KCNH5: variants seen among roughly 807,000 people sequenced by gnomAD.
The protein encoded by KCNH5 is voltage-gated delayed rectifier potassium channel KCNH5.
In KCNH5, 46 loss-of-function variants were observed where a neutral mutation model predicts 96.1. That is an observed-to-expected ratio of 0.48 (90% CI 0.38 to 0.61). The LOEUF (loss-of-function observed/expected upper bound fraction) is 0.61. Ranked by LOEUF, KCNH5 falls within the 20% of genes least tolerant of loss-of-function variation. KCNH5 has a pLI of 0.00. For missense variants in KCNH5, 907 were observed against 1,225.8 expected, an observed-to-expected ratio of 0.74 and a Z score of 3.88; for synonymous variants, 439 against 449.8, an observed-to-expected ratio of 0.98 and a Z score of 0.30.
chr14:62,946,590 G>A (rs1889892185), intron 7 of KCNH5, among the ~76,000 whole-genome samples: 1 of 151,804 alleles, frequency 6.6e-6, no homozygotes. Flanking sequence ...TGTGTGCCAT[G>A]GTGGTTTGCT....
At chr14:62,750,243 CG>C (rs916580752) in intron 10 of KCNH5, among the ~76,000 whole-genome samples, 2 of 152,080 alleles carry the variant, frequency 1.3e-5, no homozygotes, top group Non-Finnish European at 2.9e-5. Flanking sequence ...TAAGCCTTTA[CG>C]TATAAAAAGC....
chr14:62,751,906 G>A (rs1051863084), intron 10 of KCNH5, among the ~76,000 whole-genome samples: 1 of 152,146 alleles, frequency 6.6e-6, no homozygotes, highest in African/African-American at 2.4e-5. Context: ...CTCCCAAAAG[G>A]GTCTGTCCTT....
At chr14:62,896,560 G>A (rs1016213346) in intron 7 of KCNH5, among the ~76,000 whole-genome samples, 1 of 152,188 alleles carries the variant, frequency 6.6e-6, no homozygotes, top group East Asian at 1.9e-4. Flanking sequence ...TCCTAAGGTA[G>A]ATTCACGGTT....
At chr14:62,803,686 CA>C (rs1886710099) in intron 8 of KCNH5, among the ~76,000 whole-genome samples, 1 of 152,128 alleles carries the variant, frequency 6.6e-6, no homozygotes, top group Non-Finnish European at 1.5e-5. Context: ...AGCTTTCTGA[CA>C]GGGTGATTAA....
At chr14:62,935,464 G>A (rs1260699935) in intron 7 of KCNH5, among the ~76,000 whole-genome samples, 6 of 152,120 alleles carry the variant, frequency 3.9e-5, no homozygotes. Context: ...AAGTAATAGG[G>A]ACACTTCAGA....
At chr14:62,800,954 T>C (rs563054695) in intron 9 of KCNH5, among the ~76,000 whole-genome samples, 26 of 151,838 alleles carry the variant, frequency 1.7e-4, no homozygotes, top group Non-Finnish European at 3.1e-4. Flanking sequence ...AAACAGTTCC[T>C]AGAAGAAATC....
At chr14:62,929,442 C>A (rs1889538804) in intron 7 of KCNH5, among the ~76,000 whole-genome samples, 1 of 152,046 alleles carries the variant, frequency 6.6e-6, no homozygotes, top group African/African-American at 2.4e-5. Flanking sequence ...CATATCATGT[C>A]ATTTTTCTAC....
chr14:62,796,959 G>A (rs1396755508), intron 9 of KCNH5, among the ~76,000 whole-genome samples: 1 of 152,158 alleles, frequency 6.6e-6, no homozygotes, highest in East Asian at 1.9e-4. Context: ...AGGCAAATCA[G>A]ATATGCATCT....
chr14:62,925,676 C>A (rs1224687695), intron 7 of KCNH5, among the ~76,000 whole-genome samples: 1 of 152,074 alleles, frequency 6.6e-6, no homozygotes, highest in Non-Finnish European at 1.5e-5. Context: ...CAATAAGCAG[C>A]CATTGTCCTT....
chr14:63,045,429 G>A lies in KCNH5; in HGVS notation c.-243C>T. 1 of 538,668 alleles carries A rather than the reference G, an allele frequency of 1.9e-6. No homozygotes were observed. Among genetic ancestry groups the A allele is most frequent in the Non-Finnish European group, 3.3e-6 (1 of 298,638 alleles). 33.4% of individuals were successfully genotyped at this position (538,668 alleles called of 1,614,324 possible). A position where few individuals can be genotyped will look rare whatever the true frequency, so the allele number is the denominator to read the frequency against. On this transcript the variant is annotated 5_prime_UTR_variant, in exon 1 of 11. Coordinates refer to ENST00000322893, the MANE Select transcript of KCNH5 (RefSeq NM_139318.5). The stretch of plus-strand genomic sequence containing the variant: ...CCCGGCCGCCGCTGCCCAGACTGTG[G>A]CGGTGCCGCACACGGGGCTCGGGAA...
chr14:62,933,943 T>C (rs1024337349), intron 7 of KCNH5, among the ~76,000 whole-genome samples: 3 of 152,112 alleles, frequency 2.0e-5, no homozygotes, highest in Non-Finnish European at 2.9e-5. Context: ...TCTTCCCTGG[T>C]ATTAGCCATT....
rs553637987 is a variant in KCNH5, at chr14:62,956,272, G to A, written c.943-5713C>T. ...AGATACAAAAGAGTATATACTGTAT[G>A]ATTCCATTTCTGAAGAGTTCAGAAA... On this transcript the variant is annotated intron_variant, in intron 6 of 10. Coordinates refer to ENST00000322893, the MANE Select transcript of KCNH5 (RefSeq NM_139318.5). Among the ~76,000 whole-genome samples, 3 of 152,200 alleles carry A rather than the reference G, an allele frequency of 2.0e-5. No individual in the cohort carries two copies. In the South Asian group the frequency reaches 6.2e-4, roughly 32 times the overall value.
intron 2 of KCNH5, among the ~76,000 whole-genome samples, chr14:63,012,575 C>T (rs1301084250): frequency 5.3e-5 from 8 of 152,180 alleles, no homozygotes; most frequent in Admixed American, 1.3e-4. Context: ...AGACAGAAAA[C>T]GTCTCACACA....
At chr14:62,709,266 TC>T (rs199745506) in intron 10 of KCNH5, among the ~76,000 whole-genome samples, 4,054 of 125,128 alleles carry the variant, frequency 0.032, 102 homozygotes, top group Non-Finnish European at 0.049. Flanking sequence ...AAAATTATCC[TC>T]TGTTTGGGTA....
chr14:62,982,369 G>T (rs562281297), intron 5 of KCNH5, among the ~76,000 whole-genome samples: 1 of 152,104 alleles, frequency 6.6e-6, no homozygotes, highest in East Asian at 1.9e-4. Flanking sequence ...AAAAACTTCT[G>T]CCCTGTGCCA....
chr14:62,880,602 G>T (rs1473173819), intron 7 of KCNH5, among the ~76,000 whole-genome samples: 4 of 152,136 alleles, frequency 2.6e-5, no homozygotes, highest in Admixed American at 6.6e-5. Flanking sequence ...ACTACATATA[G>T]TCATACATGT....
intron 7 of KCNH5, among the ~76,000 whole-genome samples, chr14:62,908,270 T>G (rs376625291): frequency 1.1e-4 from 17 of 152,284 alleles, no homozygotes; most frequent in East Asian, 3.9e-4. Flanking sequence ...GTTAGGAATC[T>G]GAAATGCAAT....
intron 10 of KCNH5, among the ~76,000 whole-genome samples, chr14:62,710,011 C>T (rs1884534925): frequency 6.6e-6 from 1 of 152,174 alleles, no homozygotes; most frequent in Non-Finnish European, 1.5e-5. Flanking sequence ...AGACACTCAG[C>T]ATACGTTGGT....
chr14:62,837,998 T>C (rs1334769388), intron 8 of KCNH5, among the ~76,000 whole-genome samples: 1 of 152,198 alleles, frequency 6.6e-6, no homozygotes, highest in East Asian at 1.9e-4. Flanking sequence ...TGCTTCCCAT[T>C]AACTTCTCAT....
Sources: gnomAD v4.1 joint callset for allele counts (sites outside exome capture counted in the v4.1 genomes callset) on GRCh38, gnomAD v4.1.1 for gene constraint, MANE v1.5 for transcripts, NCBI Gene and HGNC (gene_info 2026-07-23, HGNC 2026-07-21) for gene names.